Variants in CAMKMT observed in about 807,000 individuals in gnomAD.
CAMKMT encodes the protein calmodulin-lysine N-methyltransferase.
CAMKMT carries 53 observed loss-of-function variants against 48.0 expected under a neutral mutation model. The ratio of observed to expected loss-of-function variants is 1.10; its 90% CI spans 0.89 to 1.39. CAMKMT has a LOEUF of 1.39. Ranked by LOEUF, CAMKMT falls within the 40% of genes most tolerant of loss-of-function variation. The probability of loss-of-function intolerance (pLI) is 0.00; values close to 1 mark genes in which losing one functional copy is unlikely to be tolerated. For missense variants in CAMKMT, 428 were observed against 402.7 expected (o/e 1.06, Z -0.54); for synonymous variants, 165 against 152.3 (o/e 1.08, Z -0.61).
At chr2:44,667,691 A>C (rs1028883525) in intron 3 of CAMKMT, among the ~76,000 whole-genome samples, 4 of 152,124 alleles carry the variant, frequency 2.6e-5, no homozygotes, top group African/African-American at 9.7e-5. Context: ...AGACCTTGTC[A>C]TCACCAATAA....
chr2:44,467,898 A>G (rs1668206715), intron 3 of CAMKMT, among the ~76,000 whole-genome samples: 1 of 152,174 alleles, frequency 6.6e-6, no homozygotes, highest in African/African-American at 2.4e-5. Flanking sequence ...AAACTATGAA[A>G]CTACCAGAAG....
In CAMKMT at chr2:44,766,540, C is replaced by T. The variant is rs1365913269; in HGVS notation, c.873C>T (p.His291=). The T allele has an allele frequency of 1.9e-6, 3 of 1,614,072 alleles. No individual in the cohort carries two copies. Among genetic ancestry groups the T allele is most frequent in the Admixed American group, 1.7e-5 (1 of 60,018 alleles). Residue 291 remains histidine, a synonymous_variant, in exon 10 of 11, where the codon CAC becomes CAT. Transcript: ENST00000378494. ...CIQRHENYDE[H]ISNFHSKLKK... ...AAAGACATGAAAATTATGATGAACACATTTCAAACTTCCACTCCAAGGTTA... is the reference window on the plus strand; with the variant it reads ...AAAGACATGAAAATTATGATGAACATATTTCAAACTTCCACTCCAAGGTTA...
chr2:44,430,252 A>G (rs566295576), intron 3 of CAMKMT, among the ~76,000 whole-genome samples: 1 of 151,850 alleles, frequency 6.6e-6, no homozygotes, highest in Non-Finnish European at 1.5e-5. Flanking sequence ...CTGGAATCAC[A>G]CCTTTCATTT....
At chr2:44,479,166 C>G (rs1329988658) in intron 3 of CAMKMT, among the ~76,000 whole-genome samples, 1 of 152,120 alleles carries the variant, frequency 6.6e-6, no homozygotes, top group Non-Finnish European at 1.5e-5. Flanking sequence ...TTTATAGTTA[C>G]TTTATATTAC....
chr2:44,394,875 A>G (rs1447333132), intron 3 of CAMKMT: 1 of 454,072 alleles, frequency 2.2e-6, no homozygotes, highest in Non-Finnish European at 4.4e-6. Flanking sequence ...CATTAAAATA[A>G]AAGTCAGGTG....
At chr2:44,549,694 T>C in intron 3 of CAMKMT, 3 of 537,902 alleles carry the variant, frequency 5.6e-6, no homozygotes, top group Non-Finnish European at 6.6e-6. Flanking sequence ...ATTTATTGGC[T>C]TAAGGATTAA....
chr2:44,649,895 G>T (rs1043883906), intron 3 of CAMKMT, among the ~76,000 whole-genome samples: 6 of 152,062 alleles, frequency 3.9e-5, no homozygotes, highest in African/African-American at 1.4e-4. Context: ...TTCCACTTAT[G>T]TCTCATTAGA....
intron 3 of CAMKMT, among the ~76,000 whole-genome samples, chr2:44,547,175 A>G (rs2103635512): frequency 6.6e-6 from 1 of 152,286 alleles, no homozygotes; most frequent in East Asian, 1.9e-4. Context: ...TTCAGAGGAC[A>G]TTTTCCAGGT....
chr2:44,508,268 G>A (rs372518451), intron 3 of CAMKMT, among the ~76,000 whole-genome samples: 24 of 152,238 alleles, frequency 1.6e-4, no homozygotes, highest in African/African-American at 5.8e-4. Context: ...CCTAATTTGC[G>A]TAAATGTAAA....
At chr2:44,613,707 A>C (rs1370303907) in intron 3 of CAMKMT, among the ~76,000 whole-genome samples, 1 of 152,152 alleles carries the variant, frequency 6.6e-6, no homozygotes, top group Non-Finnish European at 1.5e-5. Context: ...ATTAACCCTC[A>C]TGATATCCTT....
intron 3 of CAMKMT, among the ~76,000 whole-genome samples, chr2:44,646,610 A>C (rs1673747841): frequency 6.6e-6 from 1 of 152,188 alleles, no homozygotes; most frequent in Non-Finnish European, 1.5e-5. Context: ...ACATTTGCCC[A>C]GCCTGTTCTT....
At chr2:44,509,982 T>C (rs1670458227) in intron 3 of CAMKMT, among the ~76,000 whole-genome samples, 1 of 152,214 alleles carries the variant, frequency 6.6e-6, no homozygotes, top group African/African-American at 2.4e-5. Context: ...TATTCTGTTA[T>C]AGCAATAAAA....
chr2:44,609,089 T>A (rs1671458025), intron 3 of CAMKMT, among the ~76,000 whole-genome samples: 1 of 152,236 alleles, frequency 6.6e-6, no homozygotes, highest in South Asian at 2.1e-4. Flanking sequence ...CACTTGTTCC[T>A]AGACCTCAAA....
intron 3 of CAMKMT, among the ~76,000 whole-genome samples, chr2:44,513,615 C>T (rs1395029430): frequency 6.6e-6 from 1 of 152,176 alleles, no homozygotes; most frequent in African/African-American, 2.4e-5. Flanking sequence ...GACCATAGGC[C>T]AGTTCCAAAT....
At chr2:44,456,611 A>C in intron 3 of CAMKMT, 1 of 1,548,706 alleles carries the variant, frequency 6.5e-7, no homozygotes, top group African/African-American at 1.4e-5. Flanking sequence ...ATCAGTAGTA[A>C]CTCTTCCTTT....
rs180784034 is a variant in CAMKMT at position 44,424,584 on chromosome 2, C to T, written c.376+34279C>T. Among the ~76,000 whole-genome samples the T allele has an allele frequency of 3.3e-4, 51 of 152,316 alleles. No individual in the cohort carries two copies. In the East Asian group the frequency reaches 4.0e-3, roughly 12 times the overall value. On this transcript the variant is annotated intron_variant, in intron 3 of 10. Coordinates refer to ENST00000378494, the MANE Select transcript of CAMKMT (RefSeq NM_024766.5). ...CTACCAGGCCTGACGGAATACTTCT[C>T]AGCCATAAAAAGGAACGAATTAATG...
At chr2:44,577,928 C>T (rs1038832516) in intron 3 of CAMKMT, among the ~76,000 whole-genome samples, 3 of 152,176 alleles carry the variant, frequency 2.0e-5, no homozygotes, top group African/African-American at 7.2e-5. Flanking sequence ...TCGCCTTTGT[C>T]CTATCATTTC....
At chr2:44,753,685 G>T (rs1289661367) in intron 8 of CAMKMT, among the ~76,000 whole-genome samples, 1 of 152,178 alleles carries the variant, frequency 6.6e-6, no homozygotes, top group Non-Finnish European at 1.5e-5. Context: ...CAGCACCCTT[G>T]GTGGGCAGAG....
chr2:44,496,138 A>T (rs377582499), intron 3 of CAMKMT, among the ~76,000 whole-genome samples: 9 of 152,290 alleles, frequency 5.9e-5, no homozygotes, highest in Admixed American at 3.3e-4. Context: ...CCTCAGTACA[A>T]TTTTACACTG....
Sources: gnomAD v4.1 joint callset for allele counts (sites outside exome capture counted in the v4.1 genomes callset) on GRCh38, gnomAD v4.1.1 for gene constraint, MANE v1.5 for transcripts, NCBI Gene and HGNC (gene_info 2026-07-23, HGNC 2026-07-21) for gene names.